CACNB3: variants seen among roughly 807,000 people sequenced by gnomAD.
CACNB3 encodes voltage-dependent L-type calcium channel subunit beta-3.
Under a neutral mutation model 63.7 loss-of-function variants are expected in CACNB3, and 36 were observed. The ratio of observed to expected loss-of-function variants is 0.57; its 90% CI spans 0.43 to 0.75. The LOEUF (loss-of-function observed/expected upper bound fraction) is 0.75. Among genes scored for constraint, CACNB3 ranks in the 30% least tolerant of loss-of-function variants. The pLI, the probability that CACNB3 is intolerant of heterozygous loss-of-function variation, is 0.00. For synonymous variants in CACNB3, 241 were observed against 250.6 expected, an observed-to-expected ratio of 0.96 and a Z score of 0.36; for missense variants, 493 against 648.6, an observed-to-expected ratio of 0.76 and a Z score of 2.61.
At position 48,823,585 on chromosome 12, in the gene CACNB3, A is replaced by G; in HGVS notation, c.169-96A>G. The G allele has an allele frequency of 6.2e-7, 1 of 1,602,812 alleles. No homozygotes were observed. Among genetic ancestry groups the G allele is most frequent in the Non-Finnish European group, 8.5e-7 (1 of 1,173,722 alleles). On this transcript the variant is annotated intron_variant, in intron 2 of 12. Coordinates refer to ENST00000301050, the MANE Select transcript of CACNB3 (RefSeq NM_000725.4). The surrounding 1 kb of genome is among the most constrained non-coding windows in gnomAD (Gnocchi z 4.2). The stretch of plus-strand genomic sequence containing the variant: ...CCTTGAGTGTGAGAGGGTGTGTGTG[A>G]TGGGCAGAGGCCACGGCCTTCTGCT...
chr12:48,822,983 T>C (rs1937932184), intron 1 of CACNB3, among the ~76,000 whole-genome samples: 1 of 152,144 alleles, frequency 6.6e-6, no homozygotes, highest in Admixed American at 6.5e-5. Context: ...GTCTCCTGGA[T>C]CCAGAATCAT....
In CACNB3 at chr12:48,818,716, G is replaced by GT; in HGVS notation, c.-211dup. The stretch of plus-strand genomic sequence containing the variant: ...CCGCGCTCGGGGTGGGACCGGCTGG[G>GT]TTTGGGGGGGTGGGGTGGGGGGAGC... On this transcript the variant is annotated 5_prime_UTR_variant, in exon 1 of 13. Transcript: ENST00000301050. This position sits in a 1 kb window ranked among gnomAD's most constrained non-coding sequence, Gnocchi z 4.3. 1 of 1,022,422 alleles carries GT rather than the reference G, an allele frequency of 9.8e-7. No individual in the cohort carries two copies. The highest frequency in any genetic ancestry group is 3.6e-4 in the Middle Eastern group (1 of 2,776). The allele number at this position is 1,022,422 out of a possible 1,614,324, so 63.3% of individuals were successfully genotyped here. A position where few individuals can be genotyped will look rare whatever the true frequency, so the allele number is the denominator to read the frequency against.
At position 48,827,718 on chromosome 12, in the gene CACNB3, TGGA is replaced by T. The variant is rs756856166; in HGVS notation, c.1281_1283del (p.Glu427del). Reference sequence around the variant, plus strand: ...TCTTCACAGCGTAGCTCCCGCCACCTGGAGGAGGACTATGCAGATGCCTACCAG... The same window carrying T: ...TCTTCACAGCGTAGCTCCCGCCACCTGGAGGACTATGCAGATGCCTACCAG... On this transcript the variant is annotated inframe_deletion, in exon 13 of 13. Transcript: ENST00000301050. The T allele has an allele frequency of 2.7e-5, 43 of 1,614,002 alleles. No individual in the cohort carries two copies. Among genetic ancestry groups the T allele is most frequent in the Middle Eastern group, 1.6e-4 (1 of 6,084 alleles).
Position 48,823,476 on chromosome 12 carries a change from C to A in CACNB3, c.168+10C>A, listed in dbSNP as rs1385036285. 1.2e-6 allele frequency: 2 copies of A among 1,613,168 alleles called. No homozygotes were observed. The highest frequency in any genetic ancestry group is 2.2e-5 in the South Asian group (2 of 90,926). On this transcript the variant is annotated intron_variant, in intron 2 of 12. Coordinates refer to ENST00000301050, the MANE Select transcript of CACNB3 (RefSeq NM_000725.4). The surrounding 1 kb of genome is among the most constrained non-coding windows in gnomAD (Gnocchi z 4.2). Reference sequence around the variant, plus strand: ...GCTCGAAAGGGCCAAGGTATACTTTCTGGGCATGGGGCAAGACAGGAGGCC... The same window carrying A: ...GCTCGAAAGGGCCAAGGTATACTTTATGGGCATGGGGCAAGACAGGAGGCC...
chr12:48,817,031 C>G, upstream of CACNB3: 1 of 984,110 alleles, frequency 1.0e-6, no homozygotes. Flanking sequence ...CTGGGAACTT[C>G]CAATACAGAA....
At chr12:48,814,675 T>A, upstream of CACNB3, 2 of 1,048,994 alleles carry the variant, frequency 1.9e-6, no homozygotes, top group Non-Finnish European at 2.7e-6. The surrounding 1 kb of genome is among the most constrained non-coding windows in gnomAD (Gnocchi z 6.9). Flanking sequence ...CTGCAGTTCC[T>A]GGAGAAAGGA....
chr12:48,815,252 C>T (rs1189846058), upstream of CACNB3: 2 of 213,742 alleles, frequency 9.4e-6, no homozygotes, highest in Non-Finnish European at 1.9e-5. Context: ...CTCTTCCTGC[C>T]CTTCTGCCCG....
At chr12:48,814,955 G>C (rs544747783), upstream of CACNB3, 8 of 187,920 alleles carry the variant, frequency 4.3e-5, no homozygotes, top group South Asian at 1.7e-4. The surrounding 1 kb of genome is among the most constrained non-coding windows in gnomAD (Gnocchi z 6.9). Flanking sequence ...ACCCAGGAGA[G>C]GGGGGAGACG....
Position 48,825,394 on chromosome 12 carries a change from C to T in CACNB3, c.574-40C>T, listed in dbSNP as rs752452704. 6.2e-7 allele frequency: 1 copy of T among 1,612,594 alleles called. No homozygotes were observed. Among genetic ancestry groups the T allele is most frequent in the South Asian group, 1.1e-5 (1 of 91,036 alleles). On this transcript the variant is annotated intron_variant, in intron 7 of 12. Coordinates refer to ENST00000301050, the MANE Select transcript of CACNB3 (RefSeq NM_000725.4). The surrounding 1 kb of genome is among the most constrained non-coding windows in gnomAD (Gnocchi z 4.5). ...GGCCATGCATGGGGAGGCTGCTTCT[C>T]TCCAAAGGGGCCCTTCATCAGTGCC...
At chr12:48,816,975 C>A (rs149565102), upstream of CACNB3, 30 of 985,528 alleles carry the variant, frequency 3.0e-5, no homozygotes, top group East Asian at 3.1e-3. Flanking sequence ...GAGGGGGATA[C>A]AAGGAATACT....
Position 48,826,469 on chromosome 12 carries a change from A to C in CACNB3, c.845A>C (p.Lys282Thr). The change falls in exon 10 of 13, where the codon AAG becomes ACG. Residue 282 changes from lysine to threonine, a missense_variant. Transcript: ENST00000301050. The surrounding 1 kb of genome is among the most constrained non-coding windows in gnomAD (Gnocchi z 4.8). ...ATCAACCACCCAGCACAGCTGGCCAAGACCTCGCTGGCCCCCATCATCGTC... is the reference window on the plus strand; with the variant it reads ...ATCAACCACCCAGCACAGCTGGCCACGACCTCGCTGGCCCCCATCATCGTC... ...DTINHPAQLA[K>T]TSLAPIIVFV... The C allele has an allele frequency of 6.2e-7, 1 of 1,614,154 alleles. No individual in the cohort carries two copies. The highest frequency in any genetic ancestry group is 8.5e-7 in the Non-Finnish European group (1 of 1,180,014).
rs1938181710 is a variant in CACNB3 at position 48,827,091 on chromosome 12, C to T, written c.1108C>T (p.Leu370=). ...THHPAPGPGL[L]GPPSAIPGLQ... is the part of the protein sequence containing the mutation. The stretch of plus-strand genomic sequence containing the variant: ...CCACCCAGCCCCTGGCCCCGGACTT[C>T]TGGGTCCTCCCAGTGCCATCCCCGG... Residue 370 remains leucine (L), a synonymous_variant, in exon 12 of 13, where the codon CTG becomes TTG. Transcript: ENST00000301050. 3 of 1,613,036 alleles carry T rather than the reference C, an allele frequency of 1.9e-6. No homozygotes were observed. Among genetic ancestry groups the T allele is most frequent in the South Asian group, 2.2e-5 (2 of 91,044 alleles).
rs1352764330 is a variant in CACNB3, at chr12:48,825,047, G to C, written c.492+79G>C. The C allele has an allele frequency of 1.9e-6, 3 of 1,593,136 alleles. No homozygotes were observed. The highest frequency in any genetic ancestry group is 2.6e-6 in the Non-Finnish European group (3 of 1,161,256). ...ACAGTGTTCTAGGCAGTCATTGTTG[G>C]AGGGCAGAACAGAGAGGGGAGGGAG... is the stretch of plus-strand genomic sequence containing the variant. On this transcript the variant is annotated intron_variant, in intron 6 of 12. Transcript: ENST00000301050. The surrounding 1 kb of genome is among the most constrained non-coding windows in gnomAD (Gnocchi z 4.5).
At chr12:48,824,614 AC>A (rs1490978790) in intron 4 of CACNB3, 54 bp from the exon 5 acceptor site, 1 of 1,478,756 alleles carries the variant, frequency 6.8e-7, no homozygotes, top group Admixed American at 1.7e-5. Context: ...CATAGAACAT[AC>A]ATACACAGAG....
chr12:48,827,252 T>C, intron 12 of CACNB3, 129 bp downstream of exon 12: 1 of 1,170,952 alleles, frequency 8.5e-7, no homozygotes, highest in African/African-American at 1.5e-5. Context: ...AGCTCTGCTG[T>C]ACAGAGCTAG....
Position 48,818,647 on chromosome 12 carries a change from T to G in CACNB3, c.-283T>G. On this transcript the variant is annotated 5_prime_UTR_variant, in exon 1 of 13. Coordinates refer to ENST00000301050, the MANE Select transcript of CACNB3 (RefSeq NM_000725.4). This position sits in a 1 kb window ranked among gnomAD's most constrained non-coding sequence, Gnocchi z 4.3. ...GCCTTCTCCCGGGGAGGGGGTCAGG[T>G]GGGCGGGCACTATTGTTGTAGGAGC... The G allele has an allele frequency of 9.1e-7, 1 of 1,101,022 alleles. No homozygotes were observed. The highest frequency in any genetic ancestry group is 5.8e-5 in the East Asian group (1 of 17,220). The allele number at this position is 1,101,022 out of a possible 1,614,324, so 68.2% of individuals were successfully genotyped here.
upstream of CACNB3, chr12:48,815,779 G>T: frequency 8.8e-7 from 1 of 1,137,032 alleles, no homozygotes; most frequent in Non-Finnish European, 1.3e-6. Context: ...CCCACTGGGT[G>T]GGAGGAGAGC....
upstream of CACNB3, chr12:48,814,686 G>A (rs1013487299): frequency 4.2e-6 from 4 of 951,734 alleles, no homozygotes; most frequent in Non-Finnish European, 6.0e-6. The surrounding 1 kb of genome is among the most constrained non-coding windows in gnomAD (Gnocchi z 6.9). Context: ...GGAGAAAGGA[G>A]GGGGAGAGGG....
In CACNB3 at chr12:48,825,377, A is replaced by G. The variant is rs971455842; in HGVS notation, c.574-57A>G. On this transcript the variant is annotated intron_variant, in intron 7 of 12. Coordinates refer to ENST00000301050, the MANE Select transcript of CACNB3 (RefSeq NM_000725.4). The surrounding 1 kb of genome is among the most constrained non-coding windows in gnomAD (Gnocchi z 4.5). ...GAGCGCATTGACTCTGGGGCCATGC[A>G]TGGGGAGGCTGCTTCTCTCCAAAGG... 6.3e-7 allele frequency: 1 copy of G among 1,598,658 alleles called. No homozygotes were observed. Among genetic ancestry groups the G allele is most frequent in the Non-Finnish European group, 8.6e-7 (1 of 1,165,978 alleles).
Sources: allele counts gnomAD v4.1 joint callset (sites outside exome capture counted in the v4.1 genomes callset), GRCh38; gene constraint gnomAD v4.1.1; non-coding constraint Gnocchi (gnomAD v3.1); transcripts MANE v1.5; gene names NCBI Gene and HGNC (gene_info 2026-07-23, HGNC 2026-07-21).